Variants in MERTK observed in about 807,000 individuals in gnomAD.
MERTK encodes the protein MER proto-oncogene, tyrosine kinase.
In MERTK, 69 loss-of-function variants were observed where a neutral mutation model predicts 99.3. That is an observed-to-expected ratio of 0.70 (90% confidence interval 0.57 to 0.85). The LOEUF is 0.85. Ranked by LOEUF, MERTK falls within the 40% of genes least tolerant of loss-of-function variation. MERTK has a pLI of 0.00. For missense variants in MERTK, 1,125 were observed against 1,249.4 expected, an observed-to-expected ratio of 0.90 and a Z score of 1.50; for synonymous variants, 426 against 467.6, an observed-to-expected ratio of 0.91 and a Z score of 1.15.
At position 111,929,137 on chromosome 2, in the gene MERTK, G is replaced by T. The variant is rs1223798126; in HGVS notation, c.79G>T (p.Glu27Ter). 1.2e-6 allele frequency: 2 copies of T among 1,614,158 alleles called. No homozygotes were observed. Among genetic ancestry groups the T allele is most frequent in the Non-Finnish European group, 1.7e-6 (2 of 1,180,018 alleles). Residue 27 changes from glutamate (E) to a stop codon, truncating the protein, a stop_gained, in exon 2 of 19, where the codon GAA becomes TAA. Transcript: ENST00000295408. LOFTEE classifies it high-confidence loss of function. ...TTTTACAGCTATCACTGAGGCAAGG[G>T]AAGAAGCCAAGCCTTACCCGCTATT... Reference protein sequence around the residue: ...LWRRAITEAREEAKPYPLFPG... With the variant: ...LWRRAITEAR
chr2:111,974,786 A>G (rs1296502945), intron 6 of MERTK, among the ~76,000 whole-genome samples: 11 of 144,840 alleles, frequency 7.6e-5, no homozygotes, highest in African/African-American at 2.7e-4. Context: ...AAAAAAAAAA[A>G]AAAAAAGAAA....
Position 111,940,761 on chromosome 2 carries a change from A to G in MERTK, c.483-4199A>G, listed in dbSNP as rs532561930. ...CCTTGTATTTTTCAGCATTATCTCC[A>G]TATTCAAATCTAACAGCTAAACCAA... On this transcript the variant is annotated intron_variant, in intron 2 of 18. Coordinates refer to ENST00000295408, the MANE Select transcript of MERTK (RefSeq NM_006343.3). 11 of 967,776 alleles carry G rather than the reference A, an allele frequency of 1.1e-5. No individual in the cohort carries two copies. In the African/African-American group the frequency reaches 1.5e-4, roughly 14 times the overall value. The allele number at this position is 967,776 out of a possible 1,614,324, so 59.9% of individuals were successfully genotyped here. A position where few individuals can be genotyped will look rare whatever the true frequency, so the allele number is the denominator to read the frequency against.
At chr2:111,925,513 G>A (rs185525415) in intron 1 of MERTK, among the ~76,000 whole-genome samples, 23 of 151,436 alleles carry the variant, frequency 1.5e-4, no homozygotes, top group African/African-American at 5.1e-4. Context: ...ATGTTGGCCA[G>A]GCTTGTCTCG....
chr2:111,936,040 C>T (rs1684759969), intron 2 of MERTK, among the ~76,000 whole-genome samples: 1 of 152,070 alleles, frequency 6.6e-6, no homozygotes, highest in South Asian at 2.1e-4. Flanking sequence ...ACTTAGTCTC[C>T]TGAGTAGCTG....
intron 7 of MERTK, among the ~76,000 whole-genome samples, chr2:111,977,760 A>G (rs1468548067): frequency 6.6e-6 from 1 of 151,588 alleles, no homozygotes; most frequent in Non-Finnish European, 1.5e-5. Flanking sequence ...TTATCTCTAC[A>G]TTTTATTTTG....
chr2:111,991,179 A>G (rs1676608005), intron 8 of MERTK, among the ~76,000 whole-genome samples: 1 of 152,218 alleles, frequency 6.6e-6, no homozygotes, highest in Non-Finnish European at 1.5e-5. Flanking sequence ...TAAACACAGA[A>G]TGACCAACTA....
intron 2 of MERTK, among the ~76,000 whole-genome samples, chr2:111,932,769 TA>T (rs1475604261): frequency 6.6e-6 from 1 of 152,004 alleles, no homozygotes; most frequent in African/African-American, 2.4e-5. Flanking sequence ...AGTTTCAGGG[TA>T]GGGGGCTTAT....
intron 4 of MERTK, among the ~76,000 whole-genome samples, chr2:111,962,849 G>C (rs1685277023): frequency 6.6e-6 from 1 of 152,140 alleles, no homozygotes; most frequent in Non-Finnish European, 1.5e-5. Flanking sequence ...ACAGTGAAGG[G>C]GTGGGTTGCT....
At chr2:111,916,953 G>C (rs193149811) in intron 1 of MERTK, among the ~76,000 whole-genome samples, 142 of 152,246 alleles carry the variant, frequency 9.3e-4, no homozygotes, top group Admixed American at 1.6e-3. Context: ...CTGGTCAGAG[G>C]TCAGGTGGCA....
intron 4 of MERTK, chr2:111,952,001 C>T (rs1685067271): frequency 6.6e-6 from 1 of 152,096 alleles, no homozygotes; most frequent in Non-Finnish European, 1.5e-5. Context: ...GTTTTTGTGA[C>T]AAGATGTGCA....
chr2:111,951,522 C>CATATATATATATAT (rs56410508), intron 4 of MERTK, among the ~76,000 whole-genome samples: 932 of 85,690 alleles, frequency 0.011, 52 homozygotes, highest in African/African-American at 0.031. Context: ...ATAATATTCC[C>CATATATATATATAT]ATATATATAT....
intron 6 of MERTK, 43 bp downstream of exon 6, chr2:111,968,295 T>C: frequency 5.3e-6 from 8 of 1,502,288 alleles, no homozygotes; most frequent in Non-Finnish European, 7.4e-6. Context: ...TTTGGTGCTC[T>C]CTGTGGGTTT....
At chr2:111,945,317 TC>T (rs1427860669) in intron 3 of MERTK, among the ~76,000 whole-genome samples, 1 of 152,264 alleles carries the variant, frequency 6.6e-6, no homozygotes, top group Non-Finnish European at 1.5e-5. Flanking sequence ...ATTTTGGACT[TC>T]CTTGTCCACA....
intron 2 of MERTK, among the ~76,000 whole-genome samples, chr2:111,940,079 G>T: frequency 6.6e-6 from 1 of 151,038 alleles, no homozygotes; most frequent in Non-Finnish European, 1.5e-5. Context: ...CTGTTTCCTA[G>T]AGCCCAGGTC....
rs563199534 is a variant in MERTK, at chr2:111,935,590, A to G, written c.482+6050A>G. Among the ~76,000 whole-genome samples, 4 of 151,698 alleles carry G rather than the reference A, an allele frequency of 2.6e-5. No individual in the cohort carries two copies. The South Asian group carries it at 8.3e-4, about 32-fold the overall frequency. ...GAAAGACTAAGGGAGATTTGGCATC[A>G]TGCACAAGAGTGTCCCTGAAAGATT... On this transcript the variant is annotated intron_variant, in intron 2 of 18. Transcript: ENST00000295408.
intron 15 of MERTK, among the ~76,000 whole-genome samples, chr2:112,010,542 C>T (rs1176932047): frequency 6.6e-6 from 1 of 152,160 alleles, no homozygotes; most frequent in East Asian, 1.9e-4. Flanking sequence ...CCTATGTTGA[C>T]TTACCCACCA....
At chr2:111,925,290 A>T (rs377598377) in intron 1 of MERTK, among the ~76,000 whole-genome samples, 32 of 31,488 alleles carry the variant, frequency 1.0e-3, no homozygotes, top group East Asian at 5.5e-3. Flanking sequence ...ATATATATAT[A>T]TATTTTTTTT....
chr2:111,984,347 G>A (rs1676429354), intron 8 of MERTK, among the ~76,000 whole-genome samples: 1 of 152,164 alleles, frequency 6.6e-6, no homozygotes, highest in Non-Finnish European at 1.5e-5. Context: ...CAGAAATCAT[G>A]TTGAGCCACA....
chr2:111,945,177 AACCTTGCAAATCTATCAGC>A, intron 3 of MERTK, 117 bp downstream of exon 3: 1 of 772,438 alleles, frequency 1.3e-6, no homozygotes, highest in Admixed American at 2.0e-5. Flanking sequence ...TCTGTATGCA[AACCTTGCAAATCTATCAGC>A]ACTGAAATTT....
Sources: gnomAD v4.1 joint callset for allele counts (sites outside exome capture counted in the v4.1 genomes callset) on GRCh38, gnomAD v4.1.1 for gene constraint, MANE v1.5 for transcripts, NCBI Gene and HGNC (gene_info 2026-07-23, HGNC 2026-07-21) for gene names.